The following CDK17 variants were observed in gnomAD, a reference collection of about 807,000 sequenced individuals.
CDK17 encodes the protein cyclin-dependent kinase 17.
A neutral mutation model predicts 77.6 loss-of-function variants in CDK17; 24 were observed. The ratio of observed to expected loss-of-function variants is 0.31; its 90% confidence interval spans 0.22 to 0.44. The LOEUF is 0.44. Among genes scored for constraint, CDK17 ranks in the 20% least tolerant of loss-of-function variants. The pLI is 1.00. For synonymous variants in CDK17, 203 were observed against 210.4 expected (o/e 0.96, Z 0.30); for missense variants, 429 against 622.5 (o/e 0.69, Z 3.31).
At chr12:96,393,517 G>C (rs1376597859) in intron 1 of CDK17, among the ~76,000 whole-genome samples, 1 of 152,082 alleles carries the variant, frequency 6.6e-6, no homozygotes, top group African/African-American at 2.4e-5. Context: ...CAGATTGCTT[G>C]AGCTCAGGAG....
intron 1 of CDK17, among the ~76,000 whole-genome samples, chr12:96,359,232 G>A (rs550696147): frequency 1.1e-4 from 16 of 152,242 alleles, no homozygotes; most frequent in Admixed American, 5.2e-4. Flanking sequence ...GGACAAACAT[G>A]AAGATACATA....
chr12:96,315,029 A>G (rs776827872), intron 3 of CDK17, among the ~76,000 whole-genome samples: 9 of 152,196 alleles, frequency 5.9e-5, no homozygotes, highest in Non-Finnish European at 1.2e-4. Context: ...TCCAGAACTT[A>G]ACCAACTGTC....
chr12:96,368,157 G>A (rs1233439389), intron 1 of CDK17, among the ~76,000 whole-genome samples: 1 of 152,050 alleles, frequency 6.6e-6, no homozygotes, highest in Non-Finnish European at 1.5e-5. Flanking sequence ...ATTCAACACA[G>A]AACAGTAGAT....
intron 13 of CDK17, among the ~76,000 whole-genome samples, chr12:96,285,337 A>C (rs952148468): frequency 6.6e-6 from 1 of 152,164 alleles, no homozygotes; most frequent in African/African-American, 2.4e-5. Flanking sequence ...CTTAGCTTGA[A>C]AATAAAAGGA....
chr12:96,292,027 G>A (rs1952331125), intron 10 of CDK17, among the ~76,000 whole-genome samples: 1 of 151,988 alleles, frequency 6.6e-6, no homozygotes, highest in South Asian at 2.1e-4. Flanking sequence ...GAGAGAGAGA[G>A]TAACAATTAT....
chr12:96,310,943 T>G (rs573563400), intron 5 of CDK17, 109 bp downstream of exon 5: 9 of 1,125,130 alleles, frequency 8.0e-6, no homozygotes, highest in South Asian at 8.0e-5. Flanking sequence ...ATAATAAAAT[T>G]TAGCTATTCT....
At chr12:96,379,484 G>A (rs1248469965) in intron 1 of CDK17, among the ~76,000 whole-genome samples, 1 of 151,634 alleles carries the variant, frequency 6.6e-6, no homozygotes, top group Admixed American at 6.6e-5. Flanking sequence ...GGAGTGCAGT[G>A]CCATCATAGC....
At chr12:96,389,600 T>C (rs1319640152) in intron 1 of CDK17, among the ~76,000 whole-genome samples, 1 of 152,132 alleles carries the variant, frequency 6.6e-6, no homozygotes. Flanking sequence ...AAATGATAAA[T>C]GTTGGTTAAT....
chr12:96,334,677 A>G (rs779768388), intron 2 of CDK17, 42 bp downstream of exon 2: 3 of 982,052 alleles, frequency 3.1e-6, no homozygotes, highest in Non-Finnish European at 4.9e-6. Flanking sequence ...TTCATAAAGT[A>G]ATTAAAAGGA....
At chr12:96,291,261 C>T (rs1952320378) in intron 10 of CDK17, among the ~76,000 whole-genome samples, 1 of 152,122 alleles carries the variant, frequency 6.6e-6, no homozygotes, top group African/African-American at 2.4e-5. Context: ...TTAAAGCACT[C>T]AGAGTATTCC....
At chr12:96,350,846 A>C (rs1020307686) in intron 1 of CDK17, among the ~76,000 whole-genome samples, 4 of 152,172 alleles carry the variant, frequency 2.6e-5, no homozygotes, top group Non-Finnish European at 5.9e-5. Context: ...ACAACAAAAA[A>C]GACCCCCAAA....
chr12:96,392,051 G>GA lies in CDK17; in HGVS notation c.-30+7934dup, dbSNP rs570653594. Among the ~76,000 whole-genome samples the GA allele has an allele frequency of 9.6e-4, 146 of 151,746 alleles. 1 individual carries two copies. Among genetic ancestry groups the GA allele is most frequent in the Admixed American group, 2.0e-3 (30 of 15,238 alleles). On this transcript the variant is annotated intron_variant, in intron 1 of 16. Coordinates refer to ENST00000261211, the MANE Select transcript of CDK17 (RefSeq NM_002595.5). ...ATAATACGGGAAGAAATACAGAAAT[G>GA]AAAAAAAACACGGCCTCTCTGGAGC...
chr12:96,366,439 A>G (rs1156731350), intron 1 of CDK17, among the ~76,000 whole-genome samples: 1 of 152,206 alleles, frequency 6.6e-6, no homozygotes, highest in Non-Finnish European at 1.5e-5. Flanking sequence ...CCGCTATCAT[A>G]TATCTCATAC....
chr12:96,278,549 C>T lies in CDK17; in HGVS notation c.*1693G>A, dbSNP rs1952134323. 6.6e-6 allele frequency: 1 copy of T among 152,492 alleles called. No homozygotes were observed. Among genetic ancestry groups the T allele is most frequent in the African/African-American group, 2.4e-5 (1 of 41,414 alleles). 9.4% of individuals were successfully genotyped at this position (152,492 alleles called of 1,614,324 possible). A position where few individuals can be genotyped will look rare whatever the true frequency, so the allele number is the denominator to read the frequency against. ...AGAAAGAACTGTGACTCAATAAAAC[C>T]ACATTTTAACAACATGGAGATTTTG... is the stretch of plus-strand genomic sequence containing the variant. On this transcript the variant is annotated 3_prime_UTR_variant, in exon 17 of 17. Coordinates refer to ENST00000261211, the MANE Select transcript of CDK17 (RefSeq NM_002595.5).
At chr12:96,376,843 A>G (rs1953788645) in intron 1 of CDK17, among the ~76,000 whole-genome samples, 1 of 152,224 alleles carries the variant, frequency 6.6e-6, no homozygotes, top group Non-Finnish European at 1.5e-5. Flanking sequence ...AAGGAATCCT[A>G]TAAGAAACAG....
intron 11 of CDK17, among the ~76,000 whole-genome samples, chr12:96,287,852 C>T (rs547180523): frequency 6.9e-4 from 105 of 152,226 alleles, no homozygotes; most frequent in Non-Finnish European, 1.0e-3. Context: ...GAAGGAAATT[C>T]TGGCATACAC....
chr12:96,348,523 C>CAAAAAAAAAAAAAAA (rs35363324), intron 1 of CDK17, among the ~76,000 whole-genome samples: 4 of 66,354 alleles, frequency 6.0e-5, no homozygotes, highest in Admixed American at 1.8e-4. Context: ...GACTCTGTCT[C>CAAAAAAAAAAAAAAA]AAAAAAAAAA....
At chr12:96,292,336 T>G (rs1406618016) in intron 10 of CDK17, among the ~76,000 whole-genome samples, 1 of 152,114 alleles carries the variant, frequency 6.6e-6, no homozygotes, top group Non-Finnish European at 1.5e-5. Flanking sequence ...CCAGGTGTGA[T>G]GGCTCACACC....
chr12:96,341,715 C>A (rs1466797140), intron 1 of CDK17, among the ~76,000 whole-genome samples: 1 of 152,036 alleles, frequency 6.6e-6, no homozygotes, highest in Non-Finnish European at 1.5e-5. Context: ...AATATGCATA[C>A]CATACACTGT....
Sources: gnomAD v4.1 joint callset for allele counts (sites outside exome capture counted in the v4.1 genomes callset) on GRCh38, gnomAD v4.1.1 for gene constraint, MANE v1.5 for transcripts, NCBI Gene and HGNC (gene_info 2026-07-23, HGNC 2026-07-21) for gene names.